Variants in ACVRL1 observed in about 807,000 individuals in gnomAD.
The protein encoded by ACVRL1 is activin A receptor like type 1.
Under a neutral mutation model 51.9 loss-of-function variants are expected in ACVRL1, and 20 were observed. The ratio of observed to expected loss-of-function variants is 0.39; its 90% CI spans 0.27 to 0.56. The LOEUF is 0.56. Ranked by LOEUF, ACVRL1 falls within the 20% of genes least tolerant of loss-of-function variation. The probability of loss-of-function intolerance (pLI) is 0.67; values close to 1 mark genes in which losing one functional copy is unlikely to be tolerated. For synonymous variants in ACVRL1, 288 were observed against 280.9 expected (o/e 1.03, Z -0.25); for missense variants, 451 against 670.3 (o/e 0.67, Z 3.61).
At chr12:51,918,914 G>C (rs2139083675) in intron 8 of ACVRL1, 71 bp from the exon 9 acceptor site, 15 of 1,611,262 alleles carry the variant, frequency 9.3e-6, no homozygotes, top group Non-Finnish European at 1.2e-5. Flanking sequence ...GGGTAGAAAA[G>C]GCTCTCCTCT....
chr12:51,918,842 C>A, intron 8 of ACVRL1, 143 bp from the exon 9 acceptor site: 2 of 1,130,946 alleles, frequency 1.8e-6, no homozygotes, highest in Non-Finnish European at 2.6e-6. Context: ...ACATTTATTG[C>A]ATTATACTGT....
Position 51,915,487 on chromosome 12 carries a change from C to T in ACVRL1, c.1035C>T (p.Cys345=). ...TGGTCAAGAGCAACCTGCAGTGTTG[C>T]ATCGCCGACCTGGGTGAGCCGGGCG... is the stretch of plus-strand genomic sequence containing the variant. ...NVLVKSNLQC[C]IADLGLAVMH... is the part of the protein sequence containing the mutation. The change falls in exon 7 of 10, where the codon TGC becomes TGT. Residue 345 remains cysteine (C), a synonymous_variant. Coordinates refer to ENST00000388922, the MANE Select transcript of ACVRL1 (RefSeq NM_000020.3). The T allele has an allele frequency of 6.2e-7, 1 of 1,607,608 alleles. No homozygotes were observed. Among genetic ancestry groups the T allele is most frequent in the South Asian group, 1.1e-5 (1 of 90,960 alleles).
intron 4 of ACVRL1, 85 bp from the exon 5 acceptor site, chr12:51,913,889 T>C (rs766107595): frequency 6.4e-7 from 1 of 1,570,096 alleles, no homozygotes; most frequent in Non-Finnish European, 8.7e-7. Flanking sequence ...GAGCTTGCAG[T>C]GACCCAGCAG....
chr12:51,913,509 G>T (rs561432935), intron 3 of ACVRL1, 50 bp from the exon 4 acceptor site: 12 of 1,562,902 alleles, frequency 7.7e-6, no homozygotes, highest in South Asian at 5.8e-5. Flanking sequence ...GGCCCGAGGT[G>T]GGGGGAGCTG....
Position 51,915,463 on chromosome 12 carries a change from G to A in ACVRL1, c.1011G>A (p.Leu337=), listed in dbSNP as rs374230575. 1 of 1,612,596 alleles carries A rather than the reference G, an allele frequency of 6.2e-7. No individual in the cohort carries two copies. Among genetic ancestry groups the A allele is most frequent in the African/African-American group, 1.3e-5 (1 of 75,044 alleles). Residue 337 remains leucine (L), a synonymous_variant, in exon 7 of 10, where the codon CTG becomes CTA. Coordinates refer to ENST00000388922, the MANE Select transcript of ACVRL1 (RefSeq NM_000020.3). ...AHRDFKSRNV[L]VKSNLQCCIA... is the part of the protein sequence containing the mutation. ...GCGACTTCAAGAGCCGCAATGTGCT[G>A]GTCAAGAGCAACCTGCAGTGTTGCA...
chr12:51,920,999 G>A lies in ACVRL1; in HGVS notation c.*106G>A. 2.9e-6 allele frequency: 4 copies of A among 1,364,982 alleles called. No homozygotes were observed. Among genetic ancestry groups the A allele is most frequent in the Non-Finnish European group, 4.0e-6 (4 of 991,958 alleles). The allele number at this position is 1,364,982 out of a possible 1,614,324, so 84.6% of individuals were successfully genotyped here. On this transcript the variant is annotated 3_prime_UTR_variant, in exon 10 of 10. Transcript: ENST00000388922. ...GTAGTGTGAGTGTGGTGTGTGCTGG[G>A]GATGGGCAGCTGCGCCTGCCTGCTC...
chr12:51,914,090 C>A lies in ACVRL1; in HGVS notation c.625+17C>A. On this transcript the variant is annotated intron_variant, in intron 5 of 9. Coordinates refer to ENST00000388922, the MANE Select transcript of ACVRL1 (RefSeq NM_000020.3). ...AGTGTGTGGGTGAGCAGTGGGTGAG[C>A]CCGGTGGATGAGGACCAAGGGCTCT... The A allele has an allele frequency of 6.2e-7, 1 of 1,610,104 alleles. No individual in the cohort carries two copies. The highest frequency in any genetic ancestry group is 8.5e-7 in the Non-Finnish European group (1 of 1,178,064).
chr12:51,913,971 C>T lies in ACVRL1; in HGVS notation c.526-3C>T, dbSNP rs1157235477. The T allele has an allele frequency of 1.2e-6, 2 of 1,613,076 alleles. No homozygotes were observed. The highest frequency in any genetic ancestry group is 2.2e-5 in the East Asian group (1 of 44,864). ...CCTCTCAGTGGCCTCTCCGTACCCC[C>T]AGGACCTCCTGGACAGTGACTGCAC... On this transcript the variant is annotated splice_polypyrimidine_tract_variant and splice_region_variant and intron_variant, in intron 4 of 9. Transcript: ENST00000388922.
rs1385108207 is a variant in ACVRL1 at position 51,914,539 on chromosome 12, G to A, written c.726G>A (p.Glu242=). Reference sequence around the variant, plus strand: ...GGGATGAACAGTCCTGGTTCCGGGAGACTGAGATCTATAACACAGTGTTGC... The same window carrying A: ...GGGATGAACAGTCCTGGTTCCGGGAAACTGAGATCTATAACACAGTGTTGC... The part of the protein sequence containing the change: ...SSRDEQSWFR[E]TEIYNTVLLR... Residue 242 remains glutamate (E), a synonymous_variant, in exon 6 of 10, where the codon GAG becomes GAA. Coordinates refer to ENST00000388922, the MANE Select transcript of ACVRL1 (RefSeq NM_000020.3). The A allele has an allele frequency of 1.2e-6, 2 of 1,613,930 alleles. No individual in the cohort carries two copies. The highest frequency in any genetic ancestry group is 1.7e-6 in the Non-Finnish European group (2 of 1,179,954).
chr12:51,919,328 C>T, intron 9 of ACVRL1: 1 of 676,262 alleles, frequency 1.5e-6, no homozygotes, highest in South Asian at 1.8e-5. Flanking sequence ...AGAACCTTCA[C>T]CTTCCCTGTG....
chr12:51,914,557 A>G lies in ACVRL1; in HGVS notation c.744A>G (p.Thr248=). 1 of 1,613,740 alleles carries G rather than the reference A, an allele frequency of 6.2e-7. No individual in the cohort carries two copies. The highest frequency in any genetic ancestry group is 8.5e-7 in the Non-Finnish European group (1 of 1,179,884). Residue 248 remains threonine, a synonymous_variant, in exon 6 of 10, where the codon ACA becomes ACG. Transcript: ENST00000388922. The part of the protein sequence containing the change: ...SWFRETEIYN[T]VLLRHDNILG... ...TCCGGGAGACTGAGATCTATAACAC[A>G]GTGTTGCTCAGACACGACAACATCC...
intron 1 of ACVRL1, among the ~76,000 whole-genome samples, chr12:51,909,228 C>G (rs918974204): frequency 1.3e-5 from 2 of 152,188 alleles, no homozygotes; most frequent in Non-Finnish European, 2.9e-5. Flanking sequence ...TACTCTGGCT[C>G]TCCCCACCTG....
At chr12:51,914,323 GTCTGGGGT>G (rs1940776019) in intron 5 of ACVRL1, 108 bp from the exon 6 acceptor site, 8 of 1,467,722 alleles carry the variant, frequency 5.5e-6, no homozygotes, top group Non-Finnish European at 3.8e-6. Flanking sequence ...AAACCTAAGG[GTCTGGGGT>G]TCTGTGGGTG....
rs757588086 is a variant in ACVRL1, at chr12:51,913,142, G to A, written c.105G>A (p.Thr35=). The part of the protein sequence containing the change: ...KPSRGPLVTC[T]CESPHCKGPT... ...CTCGGGGCCCGCTGGTGACCTGCACGTGTGAGAGCCCACATTGCAAGGGGC... is the reference window on the plus strand; with the variant it reads ...CTCGGGGCCCGCTGGTGACCTGCACATGTGAGAGCCCACATTGCAAGGGGC... Residue 35 remains threonine, a synonymous_variant, in exon 3 of 10, where the codon ACG becomes ACA. Coordinates refer to ENST00000388922, the MANE Select transcript of ACVRL1 (RefSeq NM_000020.3). 26 of 1,606,910 alleles carry A rather than the reference G, an allele frequency of 1.6e-5. No homozygotes were observed. Among genetic ancestry groups the A allele is most frequent in the African/African-American group, 5.3e-5 (4 of 74,844 alleles).
chr12:51,915,701 C>A, intron 7 of ACVRL1: 1 of 800,194 alleles, frequency 1.2e-6, no homozygotes, highest in Non-Finnish European at 1.9e-6. Flanking sequence ...ACCATCCTGG[C>A]TCCAGGAGTT....
chr12:51,913,860 G>T lies in ACVRL1; in HGVS notation c.525+90G>T. 3.8e-6 allele frequency: 6 copies of T among 1,573,818 alleles called. No individual in the cohort carries two copies. In the South Asian group the frequency reaches 5.7e-5, roughly 15 times the overall value. On this transcript the variant is annotated intron_variant, in intron 4 of 9. Transcript: ENST00000388922. ...GGGTCACCCAGAGATTAGAGCCGGT[G>T]GGGAGCTGGGCGAGTGAGGAGCTTG... is the stretch of plus-strand genomic sequence containing the variant.
chr12:51,913,465 G>GGGGGGGC, intron 3 of ACVRL1, 94 bp from the exon 4 acceptor site: 1 of 1,317,456 alleles, frequency 7.6e-7, no homozygotes, highest in Non-Finnish European at 1.0e-6. Context: ...GAGCGGGTGG[G>GGGGGGGC]CAGGACTCTG....
At position 51,921,167 on chromosome 12, in the gene ACVRL1, G is replaced by T; in HGVS notation, c.*274G>T. The T allele has an allele frequency of 2.1e-6, 1 of 471,234 alleles. No homozygotes were observed. The highest frequency in any genetic ancestry group is 4.1e-5 in the East Asian group (1 of 24,146). The allele number at this position is 471,234 out of a possible 1,614,324, so 29.2% of individuals were successfully genotyped here. A position where few individuals can be genotyped will look rare whatever the true frequency, so the allele number is the denominator to read the frequency against. ...GCATGGTGCACCCCCTACCACTCCC[G>T]GGACAGGATGCAAAAGAGGCTCCAG... On this transcript the variant is annotated 3_prime_UTR_variant, in exon 10 of 10. Transcript: ENST00000388922.
chr12:51,913,578 G>C lies in ACVRL1; in HGVS notation c.333G>C (p.Glu111Asp), dbSNP rs1481094868. 2 of 1,598,740 alleles carry C rather than the reference G, an allele frequency of 1.3e-6. No homozygotes were observed. The highest frequency in any genetic ancestry group is 1.7e-6 in the Non-Finnish European group (2 of 1,179,792). Reference protein sequence around the residue: ...LVLEATQPPSEQPGTDGQLAL... With the variant: ...LVLEATQPPSDQPGTDGQLAL... ...CCTCAGCCACCCAACCTCCTTCGGA[G>C]CAGCCGGGAACAGATGGCCAGCTGG... The change falls in exon 4 of 10, where the codon GAG becomes GAC. Residue 111 changes from glutamate (E) to aspartate (D), a missense_variant. Physicochemically the swap from Glu to Asp is conservative, Grantham distance 45 (BLOSUM62 2). This residue lies in a region of ACVRL1 where 192 missense variants were observed against 216.9 expected (regional missense o/e 0.89). Coordinates refer to ENST00000388922, the MANE Select transcript of ACVRL1 (RefSeq NM_000020.3).
Sources: gnomAD v4.1 joint callset for allele counts (sites outside exome capture counted in the v4.1 genomes callset) on GRCh38, gnomAD v4.1.1 for gene constraint, gnomAD v4.1.1 regional missense constraint, MANE v1.5 for transcripts, NCBI Gene and HGNC (gene_info 2026-07-23, HGNC 2026-07-21) for gene names.